ATG7: variants seen among roughly 807,000 people sequenced by gnomAD.
ATG7 encodes autophagy related 7.
ATG7 carries 70 observed loss-of-function variants against 82.4 expected under a neutral mutation model. That is an observed-to-expected ratio of 0.85 (90% CI 0.70 to 1.04). ATG7 has a LOEUF of 1.04. ATG7 is among the 50% of genes least tolerant of loss of function. The pLI is 0.00. For missense variants in ATG7, 792 were observed against 864.3 expected, an observed-to-expected ratio of 0.92 and a Z score of 1.05; for synonymous variants, 287 against 313.0, an observed-to-expected ratio of 0.92 and a Z score of 0.88.
At chr3:11,329,234 C>T (rs1488642490) in intron 9 of ATG7, among the ~76,000 whole-genome samples, 1 of 152,180 alleles carries the variant, frequency 6.6e-6, no homozygotes, top group African/African-American at 2.4e-5. Context: ...ATAGTTCTCT[C>T]AGGATGGTGG....
intron 20 of ATG7, among the ~76,000 whole-genome samples, chr3:11,540,167 G>A (rs1179049942): frequency 6.6e-6 from 1 of 152,256 alleles, no homozygotes; most frequent in Non-Finnish European, 1.5e-5. Context: ...GCCACCAGCA[G>A]AGTTTGAGAG....
At chr3:11,571,399 AG>A in the ATG7 span, among the ~76,000 whole-genome samples, 1 of 152,140 alleles carries the variant, frequency 6.6e-6, no homozygotes, top group Non-Finnish European at 1.5e-5. Flanking sequence ...CTCTCCATAA[AG>A]GGGCCAGGTG....
intron 20 of ATG7, among the ~76,000 whole-genome samples, chr3:11,463,689 A>G (rs1028379147): frequency 1.3e-5 from 2 of 152,228 alleles, no homozygotes; most frequent in African/African-American, 4.8e-5. Context: ...TCTGATAGGA[A>G]CAGGTTCTCT....
intron 14 of ATG7, among the ~76,000 whole-genome samples, chr3:11,352,048 G>C (rs1294513343): frequency 7.1e-6 from 1 of 141,694 alleles, no homozygotes; most frequent in Admixed American, 7.9e-5. Context: ...TCCCCATCCT[G>C]TGTCCAAGTG....
rs1203044477 is a variant in ATG7 at position 11,557,042 on chromosome 3, A to C, written c.*2199A>C. On this transcript the variant is annotated 3_prime_UTR_variant, in exon 21 of 21. Transcript: ENST00000693202. ...GTGTGCAGAGTCCACAAAGCCTTGC[A>C]GGTGAGGTGACCACGCCCACGTCAC... The C allele has an allele frequency of 1.3e-5, 2 of 152,500 alleles. No individual in the cohort carries two copies. Among genetic ancestry groups the C allele is most frequent in the African/African-American group, 4.8e-5 (2 of 41,458 alleles). 9.4% of individuals were successfully genotyped at this position (152,500 alleles called of 1,614,324 possible).
intron 20 of ATG7, among the ~76,000 whole-genome samples, chr3:11,460,287 T>C (rs2086181392): frequency 6.6e-6 from 1 of 152,248 alleles, no homozygotes; most frequent in African/African-American, 2.4e-5. Context: ...CCATGTGTCC[T>C]CTTGTCCTTC....
At chr3:11,440,326 T>TC (rs979552735) in intron 20 of ATG7, among the ~76,000 whole-genome samples, 1 of 140,998 alleles carries the variant, frequency 7.1e-6, no homozygotes, top group African/African-American at 2.6e-5. Context: ...CTTTACTCTT[T>TC]TTTTTTTTTT....
intron 20 of ATG7, among the ~76,000 whole-genome samples, chr3:11,513,168 G>C (rs1341919169): frequency 1.3e-5 from 2 of 152,248 alleles, no homozygotes; most frequent in African/African-American, 2.4e-5. Context: ...AGACTCAGGA[G>C]CCCAGCTGGC....
intron 20 of ATG7, among the ~76,000 whole-genome samples, chr3:11,468,999 G>A (rs1391485350): frequency 6.6e-6 from 1 of 152,208 alleles, no homozygotes; most frequent in Non-Finnish European, 1.5e-5. Flanking sequence ...TTGGGTTGTT[G>A]CATGATGGCT....
chr3:11,557,779 A>G (rs2072579664), downstream of ATG7: 1 of 152,670 alleles, frequency 6.6e-6, no homozygotes, highest in African/African-American at 2.4e-5. Context: ...CTCCAACCTC[A>G]GCTCTAGTCT....
the ATG7 span, among the ~76,000 whole-genome samples, chr3:11,566,760 T>A: frequency 6.6e-6 from 1 of 152,132 alleles, no homozygotes. Context: ...TAATACAGAA[T>A]CCATCCCCCA....
intron 19 of ATG7, among the ~76,000 whole-genome samples, chr3:11,397,079 A>T (rs910441655): frequency 6.6e-6 from 1 of 152,192 alleles, no homozygotes; most frequent in Non-Finnish European, 1.5e-5. Context: ...TGAAACCCAC[A>T]TGTATCAGTA....
intron 14 of ATG7, among the ~76,000 whole-genome samples, chr3:11,353,165 C>T (rs139072103): frequency 5.2e-4 from 79 of 152,196 alleles, no homozygotes; most frequent in South Asian, 2.1e-3. Context: ...AATTTTGGGC[C>T]GGGCACAGTG....
chr3:11,336,182 C>T (rs887305806), intron 11 of ATG7, among the ~76,000 whole-genome samples: 1 of 134,826 alleles, frequency 7.4e-6, no homozygotes, highest in Non-Finnish European at 1.6e-5. Context: ...TACAGGTACA[C>T]GCCGCCACAC....
chr3:11,275,309 A>G (rs1340371937), intron 1 of ATG7, among the ~76,000 whole-genome samples: 1 of 149,848 alleles, frequency 6.7e-6, no homozygotes, highest in Non-Finnish European at 1.5e-5. Flanking sequence ...ACTTCTACCC[A>G]TGGAAATGAC....
At chr3:11,475,907 A>ACACACACACCC (rs766157655) in intron 20 of ATG7, among the ~76,000 whole-genome samples, 2 of 146,252 alleles carry the variant, frequency 1.4e-5, no homozygotes, top group African/African-American at 5.1e-5. Context: ...ACACACACAC[A>ACACACACACCC]CCCCCTCCCA....
chr3:11,299,297 C>A, intron 4 of ATG7, 65 bp from the exon 5 acceptor site: 1 of 1,479,518 alleles, frequency 6.8e-7, no homozygotes, highest in Non-Finnish European at 9.4e-7. Flanking sequence ...TATTCATAAG[C>A]ATTTTTGTTA....
At chr3:11,416,245 G>A (rs2081365586) in intron 19 of ATG7, among the ~76,000 whole-genome samples, 1 of 152,170 alleles carries the variant, frequency 6.6e-6, no homozygotes, top group South Asian at 2.1e-4. Context: ...TATTCCCTTT[G>A]CTTCTGTCTT....
At chr3:11,511,182 G>A (rs2092033199) in intron 20 of ATG7, among the ~76,000 whole-genome samples, 1 of 152,160 alleles carries the variant, frequency 6.6e-6, no homozygotes, top group Non-Finnish European at 1.5e-5. Context: ...GACCTGAGCG[G>A]GTTGCCAATG....
Sources: gnomAD v4.1 joint callset for allele counts (sites outside exome capture counted in the v4.1 genomes callset) on GRCh38, gnomAD v4.1.1 for gene constraint, MANE v1.5 for transcripts, NCBI Gene and HGNC (gene_info 2026-07-23, HGNC 2026-07-21) for gene names.